Variants in ZNF410 observed in about 807,000 individuals in gnomAD.
ZNF410 encodes the protein zinc finger protein 410, also known as another partner for ARF 1.
In ZNF410, 18 loss-of-function variants were observed where a neutral mutation model predicts 54.8. That is an observed-to-expected ratio of 0.33 (90% CI 0.23 to 0.49). The LOEUF (loss-of-function observed/expected upper bound fraction) is 0.49, where lower values mean the gene tolerates loss of function less well. ZNF410 is among the 20% of genes least tolerant of loss of function. The pLI is 0.99. For synonymous variants in ZNF410, 191 were observed against 207.3 expected, an observed-to-expected ratio of 0.92 and a Z score of 0.68; for missense variants, 405 against 569.6, an observed-to-expected ratio of 0.71 and a Z score of 2.94.
intron 8 of ZNF410, among the ~76,000 whole-genome samples, chr14:73,911,290 A>G (rs2055574047): frequency 6.6e-6 from 1 of 152,162 alleles, no homozygotes; most frequent in Non-Finnish European, 1.5e-5. Context: ...GGATTCTAGA[A>G]TGGAATCAGG....
Position 73,896,339 on chromosome 14 carries a change from T to C in ZNF410, c.193T>C (p.Ser65Pro), listed in dbSNP as rs1308786301. 2 of 1,614,092 alleles carry C rather than the reference T, an allele frequency of 1.2e-6. No individual in the cohort carries two copies. The highest frequency in any genetic ancestry group is 1.1e-5 in the South Asian group (1 of 91,084). The change falls in exon 4 of 12, where the codon TCC (serine) becomes CCC (proline). Residue 65 changes from serine to proline, a missense_variant. Coordinates refer to ENST00000555044, the MANE Select transcript of ZNF410 (RefSeq NM_021188.3). ...LPDDTTNHSN[S>P]SKEVPSSAVL... ...AGATGATACTACAAATCATTCTAAC[T>C]CCTCCAAGGAGGTCCCTTCCTCAGC...
chr14:73,891,042 A>G (rs750025358), intron 1 of ZNF410, among the ~76,000 whole-genome samples: 14 of 152,084 alleles, frequency 9.2e-5, no homozygotes, highest in Admixed American at 2.0e-4. Context: ...GAACAGCCGC[A>G]TCAGGGTCCT....
chr14:73,924,736 G>A, intron 11 of ZNF410: 1 of 435,814 alleles, frequency 2.3e-6, no homozygotes, highest in Non-Finnish European at 4.5e-6. Flanking sequence ...GAGTGCAGTG[G>A]TGCGTTCTCG....
rs547553903 is a variant in ZNF410 at position 73,919,065 on chromosome 14, G to C, written c.1004-1915G>C. Reference sequence around the variant, plus strand: ...CTCTGGCTCAGGCTAGAGTGCAGTGGCATGATCTTGGCTCACTGCAACTTC... The same window carrying C: ...CTCTGGCTCAGGCTAGAGTGCAGTGCCATGATCTTGGCTCACTGCAACTTC... On this transcript the variant is annotated intron_variant, in intron 8 of 11. Transcript: ENST00000555044. 1.0e-3 allele frequency among the ~76,000 whole-genome samples: 137 copies of C among 131,902 alleles called. 7 individuals are homozygous for C. In the South Asian group the frequency reaches 0.031, roughly 30 times the overall value. The allele number at this position is 131,902 out of a possible 152,430, so 86.5% of individuals were successfully genotyped here.
chr14:73,926,243 G>A (rs972066499), intron 11 of ZNF410, among the ~76,000 whole-genome samples: 3 of 151,974 alleles, frequency 2.0e-5, no homozygotes, highest in African/African-American at 7.2e-5. Context: ...ATAATTTATT[G>A]TATTCTCTAA....
chr14:73,895,510 G>A (rs2055303475), intron 3 of ZNF410: 1 of 151,952 alleles, frequency 6.6e-6, no homozygotes, highest in Non-Finnish European at 1.5e-5. Context: ...TATGGAATCA[G>A]CTTTAGTGTT....
In ZNF410 at chr14:73,896,439, C is replaced by T. The variant is rs373691963; in HGVS notation, c.293C>T (p.Pro98Leu). 3.9e-5 allele frequency: 63 copies of T among 1,614,184 alleles called. 1 individual carries two copies. Among genetic ancestry groups the T allele is most frequent in the Middle Eastern group, 1.7e-4 (1 of 6,060 alleles). The change falls in exon 4 of 12, where the codon CCG becomes CTG. Residue 98 changes from proline to leucine, a missense_variant. Pro to Leu is a moderately conservative substitution (Grantham distance 98). Coordinates refer to ENST00000555044, the MANE Select transcript of ZNF410 (RefSeq NM_021188.3). ...ETRAQTVQKS[P>L]EFLSTSESSS... Reference sequence around the variant, plus strand: ...AGAGCTCAGACTGTACAGAAATCCCCGGAGTTTTTGTCCACTTCAGAGTCT... The same window carrying T: ...AGAGCTCAGACTGTACAGAAATCCCTGGAGTTTTTGTCCACTTCAGAGTCT...
intron 10 of ZNF410, chr14:73,922,578 T>TC (rs2140325158): frequency 6.4e-6 from 1 of 155,406 alleles, no homozygotes; most frequent in South Asian, 2.0e-4. Context: ...CTCCATACCT[T>TC]CAAAAGCCAT....
chr14:73,920,767 A>C (rs1390436350), intron 8 of ZNF410: 2 of 540,446 alleles, frequency 3.7e-6, no homozygotes, highest in Non-Finnish European at 6.6e-6. Context: ...AAGGACCAGC[A>C]GCTGGGAGCA....
At chr14:73,892,767 A>G (rs918159548) in intron 2 of ZNF410, among the ~76,000 whole-genome samples, 6 of 152,142 alleles carry the variant, frequency 3.9e-5, no homozygotes, top group East Asian at 1.9e-4. Flanking sequence ...AATGTCTTCA[A>G]TTTTATTCCT....
At chr14:73,899,603 T>C (rs77589079) in intron 5 of ZNF410, among the ~76,000 whole-genome samples, 11,816 of 152,178 alleles carry the variant, frequency 0.078, 709 homozygotes, top group African/African-American at 0.17. Flanking sequence ...TATTTGCCAA[T>C]GAGAAGCAGC....
At chr14:73,911,194 T>C (rs1224388901) in intron 8 of ZNF410, among the ~76,000 whole-genome samples, 1 of 152,172 alleles carries the variant, frequency 6.6e-6, no homozygotes, top group Non-Finnish European at 1.5e-5. Flanking sequence ...CTTAACAGTT[T>C]AAAAGCTGGG....
At chr14:73,922,608 G>A (rs1330530819) in intron 10 of ZNF410, 4 of 153,944 alleles carry the variant, frequency 2.6e-5, no homozygotes, top group African/African-American at 7.2e-5. Context: ...AGAAAAGAAA[G>A]GGCTCTCTAG....
chr14:73,891,594 TC>T (rs1165707698), intron 1 of ZNF410, among the ~76,000 whole-genome samples: 1 of 152,188 alleles, frequency 6.6e-6, no homozygotes, highest in Admixed American at 6.5e-5. Context: ...CCTCAAGTGA[TC>T]CACCTGCTTC....
chr14:73,904,211 G>T, intron 6 of ZNF410, 101 bp downstream of exon 6: 1 of 1,301,388 alleles, frequency 7.7e-7, no homozygotes, highest in South Asian at 1.6e-5. Flanking sequence ...AGGAAAGTAG[G>T]GACTCCAGTT....
Position 73,922,003 on chromosome 14 carries a change from G to A in ZNF410, c.1130-63G>A. The A allele has an allele frequency of 2.5e-6, 4 of 1,573,308 alleles. No individual in the cohort carries two copies. In the South Asian group the frequency reaches 3.4e-5, roughly 14 times the overall value. Reference sequence around the variant, plus strand: ...AAGAGAAGGCCAGCTTCTGTTGAAAGAAAATGAGGACCAGGCACAGCCTTG... The same window carrying A: ...AAGAGAAGGCCAGCTTCTGTTGAAAAAAAATGAGGACCAGGCACAGCCTTG... On this transcript the variant is annotated intron_variant, in intron 9 of 11. Transcript: ENST00000555044.
chr14:73,900,654 C>T (rs1469854944), intron 5 of ZNF410, among the ~76,000 whole-genome samples: 1 of 152,178 alleles, frequency 6.6e-6, no homozygotes, highest in East Asian at 1.9e-4. Flanking sequence ...GGATTACATG[C>T]GTGAGCCACC....
intron 11 of ZNF410, among the ~76,000 whole-genome samples, chr14:73,930,445 G>A (rs2055894980): frequency 1.3e-5 from 2 of 152,074 alleles, no homozygotes; most frequent in Non-Finnish European, 2.9e-5. Context: ...TTATAGGCAT[G>A]AGCCATGGTG....
intron 1 of ZNF410, 105 bp from the exon 2 acceptor site, chr14:73,891,922 C>T: frequency 5.0e-6 from 3 of 602,900 alleles, no homozygotes; most frequent in South Asian, 2.0e-5. Flanking sequence ...TCTTTATTTG[C>T]TTGCTTGTTG....
Sources: allele counts gnomAD v4.1 joint callset (sites outside exome capture counted in the v4.1 genomes callset), GRCh38; gene constraint gnomAD v4.1.1; transcripts MANE v1.5; gene names NCBI Gene and HGNC (gene_info 2026-07-23, HGNC 2026-07-21).